Variants in NELL1 observed in about 807,000 individuals in gnomAD.
NELL1 encodes the protein neural EGFL like 1, also known as protein kinase C-binding protein NELL1.
In NELL1, 76 loss-of-function variants were observed where a neutral mutation model predicts 107.4. The observed-to-expected ratio is 0.71, with a 90% CI of 0.59 to 0.86. NELL1 has a LOEUF of 0.86. NELL1 is among the 40% of genes least tolerant of loss of function. The pLI, the probability that NELL1 is intolerant of heterozygous loss-of-function variation, is 0.00. For synonymous variants in NELL1, 353 were observed against 341.2 expected (o/e 1.03, Z -0.38); for missense variants, 1,024 against 1,005.5 (o/e 1.02, Z -0.25).
At chr11:20,945,487 G>A (rs1276155665) in intron 10 of NELL1, among the ~76,000 whole-genome samples, 1 of 152,240 alleles carries the variant, frequency 6.6e-6, no homozygotes, top group Non-Finnish European at 1.5e-5. Flanking sequence ...GCCAGTTGCA[G>A]CAAAGCATTG....
At chr11:21,499,591 T>G (rs981840437) in intron 15 of NELL1, among the ~76,000 whole-genome samples, 1 of 152,138 alleles carries the variant, frequency 6.6e-6, no homozygotes, top group Admixed American at 6.6e-5. Context: ...TAACCAGAGA[T>G]ACTATGAGTT....
chr11:21,173,498 C>A (rs994699286), intron 13 of NELL1, among the ~76,000 whole-genome samples: 4 of 151,664 alleles, frequency 2.6e-5, no homozygotes, highest in Non-Finnish European at 5.9e-5. Context: ...TAATACCCAC[C>A]TTTTTCATGA....
intron 12 of NELL1, among the ~76,000 whole-genome samples, chr11:21,070,461 A>G (rs1853984071): frequency 6.6e-6 from 1 of 152,180 alleles, no homozygotes; most frequent in Non-Finnish European, 1.5e-5. Context: ...AGGAATTAGA[A>G]AACCAGATGT....
At chr11:21,499,024 G>A (rs1453740437) in intron 15 of NELL1, among the ~76,000 whole-genome samples, 1 of 151,886 alleles carries the variant, frequency 6.6e-6, no homozygotes, top group African/African-American at 2.4e-5. Context: ...ATTAGACACT[G>A]AATATTCATT....
At chr11:21,493,067 T>C (rs960761570) in intron 15 of NELL1, among the ~76,000 whole-genome samples, 3 of 151,992 alleles carry the variant, frequency 2.0e-5, no homozygotes, top group Non-Finnish European at 2.9e-5. Flanking sequence ...AGAATGGCTA[T>C]TATTAAAAAG....
At chr11:20,873,119 C>T (rs1188049727) in intron 4 of NELL1, among the ~76,000 whole-genome samples, 1 of 152,120 alleles carries the variant, frequency 6.6e-6, no homozygotes, top group Non-Finnish European at 1.5e-5. Flanking sequence ...TAAATTATCA[C>T]CCATTTGTGA....
At position 21,437,500 on chromosome 11, in the gene NELL1, CA is replaced by C. The variant is rs557935938; in HGVS notation, c.1645+66553del. Among the ~76,000 whole-genome samples, 341 of 152,258 alleles carry C rather than the reference CA, an allele frequency of 2.2e-3. 4 individuals carry two copies. Among genetic ancestry groups the C allele is most frequent in the Non-Finnish European group, 6.2e-4 (42 of 68,012 alleles). On this transcript the variant is annotated intron_variant, in intron 15 of 19. Coordinates refer to ENST00000357134, the MANE Select transcript of NELL1 (RefSeq NM_006157.5). The stretch of plus-strand genomic sequence containing the variant: ...TCAGCCTCTTGAGTAGCTGGAATTA[CA>C]GGCCTGCACCACCACACCTGGCTAA...
intron 15 of NELL1, among the ~76,000 whole-genome samples, chr11:21,512,693 A>ATCTT (rs1290834787): frequency 6.6e-6 from 1 of 150,534 alleles, no homozygotes; most frequent in East Asian, 2.1e-4. Context: ...AAGATCGATT[A>ATCTT]TCTTTATTTC....
chr11:21,400,452 G>T (rs2133795732), intron 15 of NELL1, among the ~76,000 whole-genome samples: 1 of 151,962 alleles, frequency 6.6e-6, no homozygotes, highest in Non-Finnish European at 1.5e-5. Flanking sequence ...CAGGAAGTGA[G>T]GAACATTACA....
chr11:20,759,433 A>G (rs1211693404), intron 2 of NELL1, among the ~76,000 whole-genome samples: 1 of 152,216 alleles, frequency 6.6e-6, no homozygotes, highest in Admixed American at 6.5e-5. Flanking sequence ...TGTCACCAGG[A>G]TTCACAAACC....
chr11:21,521,923 A>G (rs577703056), intron 15 of NELL1, among the ~76,000 whole-genome samples: 1 of 152,310 alleles, frequency 6.6e-6, no homozygotes, highest in African/African-American at 2.4e-5. Flanking sequence ...GTATATTCAT[A>G]TCTTTTGCCT....
intron 13 of NELL1, among the ~76,000 whole-genome samples, chr11:21,120,827 T>G (rs9804466): frequency 0.48 from 72,759 of 152,012 alleles, 18,131 homozygotes; most frequent in Middle Eastern, 0.57. Flanking sequence ...GAAGGTCTGA[T>G]GATAGTTATT....
intron 3 of NELL1, among the ~76,000 whole-genome samples, chr11:20,785,254 T>G (rs1856930657): frequency 6.6e-6 from 1 of 152,260 alleles, no homozygotes; most frequent in Non-Finnish European, 1.5e-5. Flanking sequence ...TTGTTTGTTC[T>G]CAGCCTCAAA....
At chr11:20,979,361 A>T (rs1254627902) in intron 12 of NELL1, among the ~76,000 whole-genome samples, 1 of 152,068 alleles carries the variant, frequency 6.6e-6, no homozygotes, top group African/African-American at 2.4e-5. Flanking sequence ...AAGATATGTC[A>T]GTGTGTGTGT....
chr11:20,677,862 G>C, intron 1 of NELL1, 70 bp from the exon 2 acceptor site: 1 of 1,581,398 alleles, frequency 6.3e-7, no homozygotes, highest in Non-Finnish European at 8.7e-7. Context: ...GCCACTCCCC[G>C]ACTCTGTAAC....
At chr11:21,067,507 G>T (rs1853905235) in intron 12 of NELL1, among the ~76,000 whole-genome samples, 1 of 152,054 alleles carries the variant, frequency 6.6e-6, no homozygotes, top group Non-Finnish European at 1.5e-5. Context: ...AGTGCTCAGA[G>T]GAATATCTTC....
At chr11:21,054,447 C>T (rs1366337360) in intron 12 of NELL1, among the ~76,000 whole-genome samples, 2 of 151,752 alleles carry the variant, frequency 1.3e-5, no homozygotes, top group African/African-American at 4.8e-5. Flanking sequence ...ATTTTTCTTA[C>T]AGTACTTGGA....
chr11:20,899,148 A>G (rs1473059882), intron 5 of NELL1, among the ~76,000 whole-genome samples: 5 of 151,890 alleles, frequency 3.3e-5, no homozygotes, highest in Non-Finnish European at 7.4e-5. Context: ...TTTAATGGCT[A>G]TATATATATA....
intron 12 of NELL1, among the ~76,000 whole-genome samples, chr11:21,069,004 A>G (rs1211618670): frequency 6.6e-6 from 1 of 152,214 alleles, no homozygotes; most frequent in Admixed American, 6.5e-5. Flanking sequence ...TTTGGACTCA[A>G]ATCCTACAGA....
Sources: allele counts gnomAD v4.1 joint callset (sites outside exome capture counted in the v4.1 genomes callset), GRCh38; gene constraint gnomAD v4.1.1; transcripts MANE v1.5; gene names NCBI Gene and HGNC (gene_info 2026-07-23, HGNC 2026-07-21).